Variants in SIGLEC15 observed in about 807,000 individuals in gnomAD.
SIGLEC15 encodes the protein sialic acid binding Ig like lectin 15.
In SIGLEC15, 31 loss-of-function variants were observed where a neutral mutation model predicts 26.2. The ratio of observed to expected loss-of-function variants is 1.18; its 90% CI spans 0.89 to 1.60. The LOEUF is 1.60. SIGLEC15 is among the 40% of genes most tolerant of loss of function. The pLI, the probability that SIGLEC15 is intolerant of heterozygous loss-of-function variation, is 0.00. For missense variants in SIGLEC15, 501 were observed against 488.4 expected, an observed-to-expected ratio of 1.03 and a Z score of -0.24; for synonymous variants, 207 against 221.9, an observed-to-expected ratio of 0.93 and a Z score of 0.60.
At chr18:45,841,631 C>T (rs1421664506) in intron 5 of SIGLEC15, among the ~76,000 whole-genome samples, 1 of 152,152 alleles carries the variant, frequency 6.6e-6, no homozygotes, top group East Asian at 1.9e-4. Flanking sequence ...GTGGGCAGCA[C>T]ACAGTGTGAG....
At chr18:45,827,901 C>T (rs1048841438) in intron 1 of SIGLEC15, among the ~76,000 whole-genome samples, 2 of 152,204 alleles carry the variant, frequency 1.3e-5, no homozygotes, top group African/African-American at 2.4e-5. Flanking sequence ...CAAAAACAAA[C>T]GCCAAACCAC....
rs776500468 is a variant in SIGLEC15, at chr18:45,838,750, CCCAGTCCGGCTCA to C, written c.531_543del (p.Ser178ProfsTer40). On this transcript the variant is annotated frameshift_variant, in exon 4 of 6. Coordinates refer to ENST00000389474, the MANE Select transcript of SIGLEC15 (RefSeq NM_213602.3). LOFTEE classifies it high-confidence loss of function. ...GCGGATCGTCAACATCTCGGTGCTG[CCCAGTCCGGCTCA>C]CGCCTTCCGCGCGCTCTGCACTGCC... 6.3e-7 allele frequency: 1 copy of C among 1,583,364 alleles called. No individual in the cohort carries two copies. The highest frequency in any genetic ancestry group is 2.3e-5 in the East Asian group (1 of 43,914).
chr18:45,831,286 T>C (rs1396592998), intron 1 of SIGLEC15, among the ~76,000 whole-genome samples: 2 of 152,242 alleles, frequency 1.3e-5, no homozygotes, highest in Non-Finnish European at 1.5e-5. Flanking sequence ...TCTTTGACAC[T>C]GTACATTTAT....
rs115945790 is a variant in SIGLEC15, at chr18:45,842,596, C to T, written c.*409C>T. 6.5e-3 allele frequency: 1,188 copies of T among 182,162 alleles called. 20 individuals are homozygous for T. Among genetic ancestry groups the T allele is most frequent in the African/African-American group, 0.026 (1,109 of 43,032 alleles). The allele number at this position is 182,162 out of a possible 1,614,324, so 11.3% of individuals were successfully genotyped here. ...GCCCAGTCTTGTCCTCCTCTGTCAC[C>T]GACTTGCTGTGTGGACCTGGGACAC... is the stretch of plus-strand genomic sequence containing the variant. On this transcript the variant is annotated 3_prime_UTR_variant, in exon 6 of 6. Coordinates refer to ENST00000389474, the MANE Select transcript of SIGLEC15 (RefSeq NM_213602.3).
At chr18:45,829,068 G>C (rs1017096313) in intron 1 of SIGLEC15, 1 of 985,468 alleles carries the variant, frequency 1.0e-6, no homozygotes, top group East Asian at 1.1e-4. Flanking sequence ...GGCTGGGCAG[G>C]GGGTGGGGGC....
At position 45,837,445 on chromosome 18, in the gene SIGLEC15, T is replaced by C. The variant is rs915564549; in HGVS notation, c.113-68T>C. The C allele has an allele frequency of 1.2e-5, 17 of 1,416,034 alleles. No homozygotes were observed. The African/African-American group carries it at 2.2e-4, about 19-fold the overall frequency. 87.7% of individuals were successfully genotyped at this position (1,416,034 alleles called of 1,614,324 possible). A position where few individuals can be genotyped will look rare whatever the true frequency, so the allele number is the denominator to read the frequency against. On this transcript the variant is annotated intron_variant, in intron 2 of 5. Coordinates refer to ENST00000389474, the MANE Select transcript of SIGLEC15 (RefSeq NM_213602.3). The stretch of plus-strand genomic sequence containing the variant: ...GGAGCGTTTCCTGGGTCGTGGGGTT[T>C]CCAGGCCCCGGGTGCGGGCGCCTCG...
At position 45,839,112 on chromosome 18, in the gene SIGLEC15, C is replaced by T; in HGVS notation, c.874+17C>T. 1 of 1,367,732 alleles carries T rather than the reference C, an allele frequency of 7.3e-7. No homozygotes were observed. Among genetic ancestry groups the T allele is most frequent in the Non-Finnish European group, 9.3e-7 (1 of 1,070,330 alleles). The allele number at this position is 1,367,732 out of a possible 1,614,324, so 84.7% of individuals were successfully genotyped here. ...GCCGCCCAGGTGGGTGCGCCCCAGA[C>T]ACGGGTGGCCGCGAGGGGCCGGGCC... On this transcript the variant is annotated intron_variant, in intron 4 of 5. Coordinates refer to ENST00000389474, the MANE Select transcript of SIGLEC15 (RefSeq NM_213602.3).
In SIGLEC15 at chr18:45,837,683, T is replaced by C. The variant is rs754362627; in HGVS notation, c.283T>C (p.Cys95Arg). ...CTATGCGGGCCCGCAGGTGTTCCGCTGCGCTGCGGCGCGGGGCAGCGAGCT... is the reference window on the plus strand; with the variant it reads ...CTATGCGGGCCCGCAGGTGTTCCGCCGCGCTGCGGCGCGGGGCAGCGAGCT... The part of the protein sequence containing the change: ...EPYAGPQVFR[C>R]AAARGSELCQ... Residue 95 changes from cysteine to arginine, a missense_variant, in exon 3 of 6, where the codon TGC (cysteine) becomes CGC (arginine). Physicochemically the swap from Cys to Arg is radical, Grantham distance 180. Transcript: ENST00000389474. 29 of 1,479,284 alleles carry C rather than the reference T, an allele frequency of 2.0e-5. No homozygotes were observed. Among genetic ancestry groups the C allele is most frequent in the Admixed American group, 1.2e-4 (5 of 42,066 alleles). 91.6% of individuals were successfully genotyped at this position (1,479,284 alleles called of 1,614,324 possible).
rs2048285896 is a variant in SIGLEC15, at chr18:45,837,581, GT to G, written c.182del (p.Val61GlyfsTer17). 6.6e-7 allele frequency: 1 copy of G among 1,515,468 alleles called. No homozygotes were observed. The highest frequency in any genetic ancestry group is 1.2e-5 in the South Asian group (1 of 82,468). The allele number at this position is 1,515,468 out of a possible 1,614,324, so 93.9% of individuals were successfully genotyped here. On this transcript the variant is annotated frameshift_variant, in exon 3 of 6. Coordinates refer to ENST00000389474, the MANE Select transcript of SIGLEC15 (RefSeq NM_213602.3). LOFTEE classifies it high-confidence loss of function. ...EVSAEAGDAAVLPCTFTHPHR... is the reference protein window; with the variant it reads ...EVSAEAGDAAXLPCTFTHPHR... ...GAGCGCGGAGGCAGGCGACGCGGCAGTGCTGCCCTGCACCTTCACGCACCCG... is the reference window on the plus strand; with the variant it reads ...GAGCGCGGAGGCAGGCGACGCGGCAGGCTGCCCTGCACCTTCACGCACCCG...
At chr18:45,826,190 C>T (rs1044187611) in intron 1 of SIGLEC15, among the ~76,000 whole-genome samples, 1 of 150,628 alleles carries the variant, frequency 6.6e-6, no homozygotes, top group South Asian at 2.1e-4. Flanking sequence ...AGTGCATGGG[C>T]GTTTGGGGAC....
At chr18:45,828,713 G>T (rs925462377) in intron 1 of SIGLEC15, among the ~76,000 whole-genome samples, 3 of 152,220 alleles carry the variant, frequency 2.0e-5, no homozygotes, top group Non-Finnish European at 4.4e-5. Flanking sequence ...TTCTGAGTGT[G>T]CATCCACCTC....
chr18:45,841,653 C>G (rs2048325749), intron 5 of SIGLEC15, among the ~76,000 whole-genome samples: 1 of 152,266 alleles, frequency 6.6e-6, no homozygotes, highest in South Asian at 2.1e-4. Flanking sequence ...GGGAGCCAGG[C>G]TGCCGGGGTT....
At chr18:45,839,650 C>A (rs960569871) in intron 4 of SIGLEC15, among the ~76,000 whole-genome samples, 6 of 152,178 alleles carry the variant, frequency 3.9e-5, no homozygotes, top group Non-Finnish European at 8.8e-5. Context: ...AGGCTTCACA[C>A]AAGCCGTGCT....
In SIGLEC15 at chr18:45,839,034, C is replaced by A; in HGVS notation, c.813C>A (p.Leu271=). 1 of 1,568,100 alleles carries A rather than the reference C, an allele frequency of 6.4e-7. No homozygotes were observed. The highest frequency in any genetic ancestry group is 8.6e-7 in the Non-Finnish European group (1 of 1,165,964). ...CGGTCGCCCTCCTGCTCGGCGCTCT[C>A]GGCTTCAAGGCGCTGCTGCTGCTCG... The part of the protein sequence containing the change: ...ASTVALLLGA[L]GFKALLLLGV... The change falls in exon 4 of 6, where the codon CTC becomes CTA. Residue 271 remains leucine, a synonymous_variant. Coordinates refer to ENST00000389474, the MANE Select transcript of SIGLEC15 (RefSeq NM_213602.3).
At chr18:45,828,373 C>T (rs2048203336) in intron 1 of SIGLEC15, among the ~76,000 whole-genome samples, 1 of 152,164 alleles carries the variant, frequency 6.6e-6, no homozygotes. Flanking sequence ...CCCAGGGGCT[C>T]CCCACATAGC....
In SIGLEC15 at chr18:45,837,820, C is replaced by T; in HGVS notation, c.420C>T (p.Tyr140=). 6.5e-7 allele frequency: 1 copy of T among 1,535,182 alleles called. No homozygotes were observed. ...TCGCCCTGGCTGACGACCGCCGCTA[C>T]TTCTGCCGCGTCGAGTTCGCCGGCG... is the stretch of plus-strand genomic sequence containing the variant. ...ERLALADDRR[Y]FCRVEFAGDV... is the part of the protein sequence containing the mutation. The change falls in exon 3 of 6, where the codon TAC becomes TAT. Residue 140 remains tyrosine, a synonymous_variant. Coordinates refer to ENST00000389474, the MANE Select transcript of SIGLEC15 (RefSeq NM_213602.3).
Position 45,830,585 on chromosome 18 carries a change from T to TTC in SIGLEC15, c.52+4806_52+4807insCT, listed in dbSNP as rs1357656900. On this transcript the variant is annotated intron_variant, in intron 1 of 5. Transcript: ENST00000389474. ...ATTTTAGCTAGATATTTTTCTTTCT[T>TTC]TTTTTTTTTTTTTTTTTTGAGACGG... Among the ~76,000 whole-genome samples the TTC allele has an allele frequency of 6.4e-4, 80 of 124,286 alleles. 1 individual carries two copies. In the South Asian group the frequency reaches 0.022, roughly 34 times the overall value. The allele number at this position is 124,286 out of a possible 152,430, so 81.5% of individuals were successfully genotyped here.
At position 45,842,278 on chromosome 18, in the gene SIGLEC15, G is replaced by C; in HGVS notation, c.*91G>C. 7.0e-7 allele frequency: 1 copy of C among 1,437,842 alleles called. No homozygotes were observed. Among genetic ancestry groups the C allele is most frequent in the Non-Finnish European group, 9.8e-7 (1 of 1,025,260 alleles). The allele number at this position is 1,437,842 out of a possible 1,614,324, so 89.1% of individuals were successfully genotyped here. A position where few individuals can be genotyped will look rare whatever the true frequency, so the allele number is the denominator to read the frequency against. ...CTGGCACAGCCAGTCCTGGTTCTCG[G>C]GCACCTTGGCAGCCCCCAGCTGGGT... is the stretch of plus-strand genomic sequence containing the variant. On this transcript the variant is annotated 3_prime_UTR_variant, in exon 6 of 6. Transcript: ENST00000389474.
rs201423322 is a variant in SIGLEC15 at position 45,838,744 on chromosome 18, G to A, written c.523G>A (p.Val175Met). The A allele has an allele frequency of 7.0e-5, 111 of 1,583,194 alleles. No homozygotes were observed. The East Asian group carries it at 1.6e-3, about 22-fold the overall frequency. The change falls in exon 4 of 6, where the codon GTG becomes ATG. Residue 175 changes from valine (V) to methionine (M), a missense_variant. Transcript: ENST00000389474. ...CGCGCCGCGGATCGTCAACATCTCG[G>A]TGCTGCCCAGTCCGGCTCACGCCTT... is the stretch of plus-strand genomic sequence containing the variant. The part of the protein sequence containing the change: ...TAAPRIVNIS[V>M]LPSPAHAFRA...
Sources: gnomAD v4.1 joint callset for allele counts (sites outside exome capture counted in the v4.1 genomes callset) on GRCh38, gnomAD v4.1.1 for gene constraint, MANE v1.5 for transcripts, NCBI Gene and HGNC (gene_info 2026-07-23, HGNC 2026-07-21) for gene names.